SCLT1: variants seen among roughly 807,000 people sequenced by gnomAD.
The protein encoded by SCLT1 is sodium channel-associated protein 1.
Under a neutral mutation model 112.8 loss-of-function variants are expected in SCLT1, and 78 were observed. The ratio of observed to expected loss-of-function variants is 0.69; its 90% CI spans 0.58 to 0.83. The LOEUF (loss-of-function observed/expected upper bound fraction) is 0.83. Ranked by LOEUF, SCLT1 falls within the 40% of genes least tolerant of loss-of-function variation. SCLT1 has a pLI of 0.00. For synonymous variants in SCLT1, 257 were observed against 254.7 expected (o/e 1.01, Z -0.09); for missense variants, 747 against 770.4 (o/e 0.97, Z 0.36).
intron 2 of SCLT1, among the ~76,000 whole-genome samples, chr4:129,068,548 T>C (rs900879691): frequency 3.9e-5 from 6 of 152,210 alleles, no homozygotes; most frequent in African/African-American, 1.4e-4. Context: ...TATGTATATG[T>C]TTGTTGGCCA....
chr4:129,052,814 CTA>C lies in SCLT1; in HGVS notation c.103-8765_103-8764del, dbSNP rs1229378072. ...CTTGCTTCTCTAGTTCTTTTAATTG[CTA>C]TGTTAGGGTGTCAATTTTACATTTT... On this transcript the variant is annotated intron_variant, in intron 2 of 20. Coordinates refer to ENST00000281142, the MANE Select transcript of SCLT1 (RefSeq NM_144643.4). Among the ~76,000 whole-genome samples the C allele has an allele frequency of 5.9e-5, 9 of 151,978 alleles. No individual in the cohort carries two copies. The South Asian group carries it at 1.5e-3, about 25-fold the overall frequency.
chr4:129,022,145 A>G lies in SCLT1; in HGVS notation c.290+16896T>C, dbSNP rs537440797. On this transcript the variant is annotated intron_variant, in intron 5 of 20. Coordinates refer to ENST00000281142, the MANE Select transcript of SCLT1 (RefSeq NM_144643.4). ...CAAAAAGCCCCATCCAAAGCTCATC[A>G]GCCTCAAAAATCAAAGGTAGATAAA... 4.6e-5 allele frequency among the ~76,000 whole-genome samples: 7 copies of G among 152,354 alleles called. No homozygotes were observed. The South Asian group carries it at 1.2e-3, about 27-fold the overall frequency.
chr4:128,893,471 A>T (rs990413908), intron 18 of SCLT1, among the ~76,000 whole-genome samples: 2 of 152,244 alleles, frequency 1.3e-5, no homozygotes, highest in African/African-American at 4.8e-5. Context: ...GTATTTGCTT[A>T]CAATGTGCCA....
chr4:128,889,025 C>T (rs182075880), intron 19 of SCLT1, among the ~76,000 whole-genome samples: 1 of 152,252 alleles, frequency 6.6e-6, no homozygotes, highest in East Asian at 1.9e-4. Context: ...CAAAATGACT[C>T]GGAAGAATAA....
At chr4:129,021,755 C>A (rs1029556598) in intron 5 of SCLT1, among the ~76,000 whole-genome samples, 3 of 152,294 alleles carry the variant, frequency 2.0e-5, no homozygotes, top group African/African-American at 2.4e-5. Context: ...TTCCTGCCTG[C>A]CGGTTGTGAA....
At chr4:129,013,277 T>C (rs1489480082) in intron 5 of SCLT1, among the ~76,000 whole-genome samples, 2 of 152,206 alleles carry the variant, frequency 1.3e-5, no homozygotes, top group African/African-American at 4.8e-5. Flanking sequence ...TTGCTAAGGT[T>C]GTGCCTTTTA....
At chr4:128,956,892 G>C in intron 13 of SCLT1, 134 bp downstream of exon 13, 1 of 535,688 alleles carries the variant, frequency 1.9e-6, no homozygotes, top group South Asian at 3.1e-5. Context: ...AAACACTTAG[G>C]TTAATAATTT....
chr4:128,945,973 A>C, intron 16 of SCLT1, 34 bp downstream of exon 16: 2 of 1,478,148 alleles, frequency 1.4e-6, no homozygotes, highest in Non-Finnish European at 1.9e-6. Context: ...AATTCTGAAG[A>C]TGTTATCATA....
chr4:129,004,560 C>T (rs1178548987), intron 5 of SCLT1, among the ~76,000 whole-genome samples: 1 of 151,786 alleles, frequency 6.6e-6, no homozygotes, highest in Non-Finnish European at 1.5e-5. Context: ...TAAAATAATA[C>T]ATACTTAAGA....
chr4:128,959,912 A>G (rs762969179), intron 11 of SCLT1, 135 bp from the exon 12 acceptor site: 124 of 666,252 alleles, frequency 1.9e-4, no homozygotes, highest in Non-Finnish European at 3.1e-4. Flanking sequence ...TTTGATACTC[A>G]TTACCCTTCT....
At chr4:128,992,598 A>G (rs529299743) in intron 8 of SCLT1, among the ~76,000 whole-genome samples, 5 of 151,578 alleles carry the variant, frequency 3.3e-5, no homozygotes, top group Non-Finnish European at 7.4e-5. Context: ...AAAAACCCAA[A>G]CTCCCTTCTT....
chr4:128,988,155 CA>C (rs1742262075), intron 9 of SCLT1, among the ~76,000 whole-genome samples: 2 of 152,070 alleles, frequency 1.3e-5, no homozygotes, highest in Non-Finnish European at 2.9e-5. Flanking sequence ...AGTAAGTACA[CA>C]GACAAATACA....
At chr4:129,033,083 C>T (rs1053876655) in intron 5 of SCLT1, among the ~76,000 whole-genome samples, 11 of 152,054 alleles carry the variant, frequency 7.2e-5, no homozygotes, top group African/African-American at 2.7e-4. Flanking sequence ...GGAACCAACC[C>T]AAATGCCCAT....
At chr4:129,055,281 G>C (rs1248118296) in intron 2 of SCLT1, among the ~76,000 whole-genome samples, 1 of 152,180 alleles carries the variant, frequency 6.6e-6, no homozygotes, top group African/African-American at 2.4e-5. Context: ...TCCCTTAACA[G>C]AGCTCTAGTG....
At chr4:128,999,073 A>C (rs940504728) in intron 7 of SCLT1, among the ~76,000 whole-genome samples, 6 of 152,022 alleles carry the variant, frequency 3.9e-5, no homozygotes, top group African/African-American at 1.4e-4. Flanking sequence ...TTGTCAATAG[A>C]CGTGTAAAGC....
At chr4:129,006,300 T>C (rs112060238) in intron 5 of SCLT1, among the ~76,000 whole-genome samples, 3 of 152,036 alleles carry the variant, frequency 2.0e-5, no homozygotes, top group Non-Finnish European at 2.9e-5. Context: ...AGCATTTTGG[T>C]AGGCCGAAGT....
intron 2 of SCLT1, among the ~76,000 whole-genome samples, chr4:129,051,393 T>A (rs975733918): frequency 6.6e-6 from 1 of 152,240 alleles, no homozygotes; most frequent in Non-Finnish European, 1.5e-5. Flanking sequence ...GTGTCCTCTC[T>A]TATTTCCTTG....
intron 4 of SCLT1, among the ~76,000 whole-genome samples, chr4:128,876,212 G>C (rs1732516227): frequency 6.6e-6 from 1 of 152,096 alleles, no homozygotes. Context: ...TAAGGATTTG[G>C]CCAGTTTAAA....
At chr4:129,086,311 A>G (rs1752391343) in intron 1 of SCLT1, among the ~76,000 whole-genome samples, 1 of 16,152 alleles carries the variant, frequency 6.2e-5, no homozygotes, top group South Asian at 7.1e-3. Context: ...TGGTGTATGT[A>G]TGTATATATA....
Sources: gnomAD v4.1 joint callset for allele counts (sites outside exome capture counted in the v4.1 genomes callset) on GRCh38, gnomAD v4.1.1 for gene constraint, MANE v1.5 for transcripts, NCBI Gene and HGNC (gene_info 2026-07-23, HGNC 2026-07-21) for gene names.